EPM2A: variants seen among roughly 807,000 people sequenced by gnomAD.
The protein encoded by EPM2A is EPM2A glucan phosphatase, laforin.
EPM2A carries 21 observed loss-of-function variants against 26.5 expected under a neutral mutation model. The observed-to-expected ratio is 0.79, with a 90% CI of 0.56 to 1.14. The LOEUF is 1.14. Among genes scored for constraint, EPM2A ranks in the 50% most tolerant of loss-of-function variants. EPM2A has a pLI of 0.00. For synonymous variants in EPM2A, 217 were observed against 177.6 expected, an observed-to-expected ratio of 1.22 and a Z score of -1.76; for missense variants, 458 against 440.8, an observed-to-expected ratio of 1.04 and a Z score of -0.35.
intron 2 of EPM2A, among the ~76,000 whole-genome samples, chr6:145,506,772 A>T (rs1779981014): frequency 6.6e-6 from 1 of 152,196 alleles, no homozygotes; most frequent in South Asian, 2.1e-4. Context: ...CAGTCCTTGG[A>T]TCTGATTAGG....
At position 145,507,951 on chromosome 6, in the gene EPM2A, G is replaced by T. The variant is rs375105515; in HGVS notation, c.341-5376C>A. Among the ~76,000 whole-genome samples the T allele has an allele frequency of 1.1e-4, 16 of 152,258 alleles. No homozygotes were observed. The East Asian group carries it at 3.1e-3, about 30-fold the overall frequency. ...TCAGTGGGGAGACAGTGCCCCACTA[G>T]CTCCAAGGAACAGGAGGGAGGTGGA... On this transcript the variant is annotated intron_variant, in intron 2 of 3. Transcript: ENST00000450221.
intron 4 of EPM2A, among the ~76,000 whole-genome samples, chr6:145,386,983 C>T (rs1358044466): frequency 6.6e-6 from 1 of 152,090 alleles, no homozygotes; most frequent in Non-Finnish European, 1.5e-5. Flanking sequence ...CTTTGAGCCT[C>T]ACAGAGGACT....
intron 2 of EPM2A, among the ~76,000 whole-genome samples, chr6:145,675,606 G>A (rs1440329453): frequency 6.6e-6 from 1 of 152,006 alleles, no homozygotes; most frequent in East Asian, 1.9e-4. Context: ...CCAAGTAAAT[G>A]GAAAGCAAGA....
chr6:145,585,140 C>G (rs1781175094), intron 2 of EPM2A, among the ~76,000 whole-genome samples: 1 of 151,752 alleles, frequency 6.6e-6, no homozygotes, highest in African/African-American at 2.4e-5. Context: ...AGATTTTTTT[C>G]TTTATCACTG....
chr6:145,621,478 T>TG (rs1260561720), downstream of EPM2A, among the ~76,000 whole-genome samples: 1 of 152,220 alleles, frequency 6.6e-6, no homozygotes, highest in Non-Finnish European at 1.5e-5. Flanking sequence ...CTGAATTAAA[T>TG]GGAAGTTATA....
chr6:145,651,878 T>C (rs745660189), intron 2 of EPM2A, among the ~76,000 whole-genome samples: 1 of 152,154 alleles, frequency 6.6e-6, no homozygotes, highest in African/African-American at 2.4e-5. Flanking sequence ...GCAGAAGATG[T>C]TGTATGTTTT....
intron 4 of EPM2A, among the ~76,000 whole-genome samples, chr6:145,484,342 C>A (rs1300309640): frequency 2.6e-5 from 4 of 151,864 alleles, no homozygotes; most frequent in African/African-American, 9.7e-5. Flanking sequence ...AAAAGAGCAC[C>A]CCAAATATTT....
intron 4 of EPM2A, among the ~76,000 whole-genome samples, chr6:145,441,158 C>G (rs1202483668): frequency 6.6e-6 from 1 of 152,212 alleles, no homozygotes; most frequent in East Asian, 1.9e-4. Flanking sequence ...TCTTGACTTT[C>G]ATGCACCCAC....
intron 2 of EPM2A, among the ~76,000 whole-genome samples, chr6:145,611,512 A>C (rs892173541): frequency 7.2e-5 from 11 of 152,024 alleles, no homozygotes; most frequent in Admixed American, 2.0e-4. Context: ...GAAATATTTT[A>C]AGTAATGGGC....
chr6:145,411,628 A>T (rs1778644154), intron 4 of EPM2A, among the ~76,000 whole-genome samples: 1 of 152,228 alleles, frequency 6.6e-6, no homozygotes, highest in Non-Finnish European at 1.5e-5. Flanking sequence ...ATTTTATTAG[A>T]ACATTAGAAA....
chr6:145,399,222 T>C (rs1054325814), intron 4 of EPM2A, among the ~76,000 whole-genome samples: 6 of 152,132 alleles, frequency 3.9e-5, no homozygotes, highest in Non-Finnish European at 8.8e-5. Context: ...CACTTCCCAT[T>C]ATTTAGTTCA....
chr6:145,642,981 T>C (rs997313730), intron 2 of EPM2A, among the ~76,000 whole-genome samples: 2 of 152,086 alleles, frequency 1.3e-5, no homozygotes, highest in African/African-American at 4.8e-5. Flanking sequence ...GCAAATTTGA[T>C]TGGGTAGCAG....
chr6:145,467,312 G>A (rs895015042), intron 4 of EPM2A, among the ~76,000 whole-genome samples: 1 of 152,068 alleles, frequency 6.6e-6, no homozygotes, highest in East Asian at 1.9e-4. Context: ...TCAAAAAGTT[G>A]TCCCACTACT....
chr6:145,728,458 G>A (rs1776322539), intron 1 of EPM2A, among the ~76,000 whole-genome samples: 1 of 152,164 alleles, frequency 6.6e-6, no homozygotes, highest in Admixed American at 6.6e-5. Flanking sequence ...AACTTACTGG[G>A]AACTACAGTA....
At chr6:145,715,809 A>C (rs1775585375) in intron 1 of EPM2A, among the ~76,000 whole-genome samples, 1 of 152,148 alleles carries the variant, frequency 6.6e-6, no homozygotes, top group Admixed American at 6.5e-5. Flanking sequence ...TCTCCAACCC[A>C]CAGATGGGAC....
intron 4 of EPM2A, among the ~76,000 whole-genome samples, chr6:145,396,916 T>C (rs1856265): frequency 0.88 from 133,595 of 152,140 alleles, 58,803 homozygotes; most frequent in East Asian, 1. Flanking sequence ...ATTTTACCAG[T>C]CAAGTACTGA....
chr6:145,552,054 G>T (rs2114805067), intron 2 of EPM2A, among the ~76,000 whole-genome samples: 3 of 151,624 alleles, frequency 2.0e-5, no homozygotes, highest in Admixed American at 2.0e-4. Flanking sequence ...CAGATAACTA[G>T]AGCACACCTA....
At chr6:145,713,196 C>G (rs1022074627) in intron 1 of EPM2A, among the ~76,000 whole-genome samples, 1 of 152,108 alleles carries the variant, frequency 6.6e-6, no homozygotes, top group Non-Finnish European at 1.5e-5. Context: ...GAAACTAATG[C>G]GTGCATTTCA....
At chr6:145,620,009 G>C (rs546519967) in intron 2 of EPM2A, among the ~76,000 whole-genome samples, 36 of 152,266 alleles carry the variant, frequency 2.4e-4, no homozygotes, top group African/African-American at 8.7e-4. Context: ...AACATATGAG[G>C]TGCTGAGCAG....
Sources: gnomAD v4.1 joint callset for allele counts (sites outside exome capture counted in the v4.1 genomes callset) on GRCh38, gnomAD v4.1.1 for gene constraint, MANE v1.5 for transcripts, NCBI Gene and HGNC (gene_info 2026-07-23, HGNC 2026-07-21) for gene names.